HDAC9: variants seen among roughly 807,000 people sequenced by gnomAD.
The protein encoded by HDAC9 is histone deacetylase 9, also known as MEF-2 interacting transcription repressor (MITR) protein.
A neutral mutation model predicts 139.4 loss-of-function variants in HDAC9; 41 were observed. The observed-to-expected ratio is 0.29, with a 90% CI of 0.23 to 0.38. HDAC9 has a LOEUF of 0.38. HDAC9 is among the 10% of genes least tolerant of loss of function. HDAC9 has a pLI of 1.00. For synonymous variants in HDAC9, 517 were observed against 476.2 expected, an observed-to-expected ratio of 1.09 and a Z score of -1.12; for missense variants, 1,147 against 1,297.0, an observed-to-expected ratio of 0.88 and a Z score of 1.78.
At chr7:18,723,736 G>A (rs1023249621) in intron 12 of HDAC9, among the ~76,000 whole-genome samples, 7 of 152,040 alleles carry the variant, frequency 4.6e-5, no homozygotes, top group Non-Finnish European at 7.4e-5. Flanking sequence ...AAAGGTAGCG[G>A]GTGGTGTTAT....
chr7:18,642,852 A>G (rs1786135744), intron 8 of HDAC9, among the ~76,000 whole-genome samples: 1 of 152,192 alleles, frequency 6.6e-6, no homozygotes, highest in African/African-American at 2.4e-5. Context: ...TGGGAAACAA[A>G]GAAAACTCTT....
intron 1 of HDAC9, among the ~76,000 whole-genome samples, chr7:18,364,039 A>G (rs1177742658): frequency 6.6e-6 from 1 of 152,180 alleles, no homozygotes; most frequent in Non-Finnish European, 1.5e-5. Flanking sequence ...ATGTCTATCT[A>G]TAAAATTTCC....
intron 12 of HDAC9, among the ~76,000 whole-genome samples, chr7:18,711,854 T>C (rs1784367796): frequency 1.3e-5 from 2 of 152,168 alleles, no homozygotes; most frequent in Admixed American, 1.3e-4. Context: ...TTCACCAGGC[T>C]CAACAGAGAA....
chr7:18,542,549 A>T (rs1813349529), intron 2 of HDAC9, among the ~76,000 whole-genome samples: 1 of 152,254 alleles, frequency 6.6e-6, no homozygotes, highest in African/African-American at 2.4e-5. Context: ...ATATGTGCAG[A>T]TACTTTTTTA....
At chr7:18,877,548 T>C (rs1256274203) in intron 22 of HDAC9, among the ~76,000 whole-genome samples, 1 of 152,024 alleles carries the variant, frequency 6.6e-6, no homozygotes, top group Non-Finnish European at 1.5e-5. Flanking sequence ...TTACAGAGAG[T>C]GGTTTTGAGG....
At chr7:18,907,912 A>G (rs941574316) in intron 22 of HDAC9, among the ~76,000 whole-genome samples, 1 of 152,224 alleles carries the variant, frequency 6.6e-6, no homozygotes, top group Admixed American at 6.5e-5. Context: ...ATCATAATGT[A>G]TTTTATTCTG....
At chr7:18,791,572 A>G (rs932807814) in intron 16 of HDAC9, among the ~76,000 whole-genome samples, 1 of 152,180 alleles carries the variant, frequency 6.6e-6, no homozygotes, top group Admixed American at 6.5e-5. Flanking sequence ...CATTTCAATG[A>G]TTCCTTCACT....
intron 21 of HDAC9, among the ~76,000 whole-genome samples, chr7:18,857,293 G>T (rs1409029165): frequency 2.0e-5 from 3 of 149,910 alleles, no homozygotes; most frequent in Non-Finnish European, 4.4e-5. Context: ...TGTAATAGAA[G>T]ATAAAAGAGT....
At chr7:18,885,460 A>T (rs1383651933) in intron 22 of HDAC9, among the ~76,000 whole-genome samples, 1 of 152,184 alleles carries the variant, frequency 6.6e-6, no homozygotes, top group East Asian at 1.9e-4. Context: ...TTTTTGTATT[A>T]ATATCATTTT....
chr7:18,379,913 G>T (rs1051401925), intron 1 of HDAC9, among the ~76,000 whole-genome samples: 2 of 152,168 alleles, frequency 1.3e-5, no homozygotes, highest in Admixed American at 1.3e-4. Flanking sequence ...CCTTGGATTT[G>T]GGTCTTGCAG....
chr7:18,255,625 C>CGTTTTTTT (rs1449259332), intron 2 of HDAC9, among the ~76,000 whole-genome samples: 1 of 101,282 alleles, frequency 9.9e-6, no homozygotes, highest in Non-Finnish European at 2.0e-5. Flanking sequence ...CTTTTTCTTT[C>CGTTTTTTT]CTTTTTTTTT....
At chr7:18,992,213 C>T (rs1563115058) in intron 25 of HDAC9, among the ~76,000 whole-genome samples, 1 of 152,184 alleles carries the variant, frequency 6.6e-6, no homozygotes, top group Non-Finnish European at 1.5e-5. Context: ...TTCACTACAG[C>T]TTTATTCATG....
intron 12 of HDAC9, chr7:18,668,265 A>G (rs1795381072): frequency 1.0e-6 from 1 of 959,196 alleles, no homozygotes; most frequent in Admixed American, 6.2e-5. Context: ...TATAATAGGA[A>G]CACTCCCTAT....
At chr7:18,331,251 C>G (rs186698852) in intron 1 of HDAC9, among the ~76,000 whole-genome samples, 169 of 151,816 alleles carry the variant, frequency 1.1e-3, no homozygotes, top group Non-Finnish European at 1.0e-3. Context: ...GCATGTAATA[C>G]ATTTGTGAAT....
intron 16 of HDAC9, among the ~76,000 whole-genome samples, chr7:18,782,288 C>A (rs1791309372): frequency 1.3e-5 from 2 of 152,038 alleles, no homozygotes; most frequent in Admixed American, 6.6e-5. Context: ...TTAATGGGCA[C>A]AATAGTATTA....
Position 18,647,952 on chromosome 7 carries a change from T to C in HDAC9, c.1203T>C (p.His401=). 1 of 1,612,350 alleles carries C rather than the reference T, an allele frequency of 6.2e-7. No homozygotes were observed. The highest frequency in any genetic ancestry group is 8.5e-7 in the Non-Finnish European group (1 of 1,179,232). Residue 401 remains histidine, a synonymous_variant, in exon 10 of 26, where the codon CAT becomes CAC. Coordinates refer to ENST00000686413, the MANE Select transcript of HDAC9 (RefSeq NM_178425.4). The part of the protein sequence containing the change: ...PNSSHQALLQ[H]LLLKEQMRQQ... ...GCAGCCACCAGGCTCTCCTGCAGCA[T>C]TTATTATTGAAAGAACAAATGCGAC... is the stretch of plus-strand genomic sequence containing the variant.
intron 6 of HDAC9, among the ~76,000 whole-genome samples, chr7:18,609,890 T>C (rs1318085538): frequency 1.3e-5 from 2 of 151,898 alleles, no homozygotes; most frequent in Non-Finnish European, 2.9e-5. Context: ...GTTTGGGTTT[T>C]TGTCCTTGCG....
intron 2 of HDAC9, among the ~76,000 whole-genome samples, chr7:18,179,589 T>C (rs541205438): frequency 3.2e-4 from 48 of 152,312 alleles, no homozygotes; most frequent in Non-Finnish European, 5.3e-4. Flanking sequence ...GGAAAAATGG[T>C]GTTCACACTC....
intron 1 of HDAC9, among the ~76,000 whole-genome samples, chr7:18,157,885 G>A (rs75382834): frequency 3.3e-5 from 5 of 149,386 alleles, no homozygotes; most frequent in Admixed American, 6.7e-5. Flanking sequence ...GGTGTTCAAC[G>A]TGTTGGCACA....
Sources: allele counts gnomAD v4.1 joint callset (sites outside exome capture counted in the v4.1 genomes callset), GRCh38; gene constraint gnomAD v4.1.1; transcripts MANE v1.5; gene names NCBI Gene and HGNC (gene_info 2026-07-23, HGNC 2026-07-21).